Variants in MARCHF6 observed in about 807,000 individuals in gnomAD.
The protein encoded by MARCHF6 is membrane associated ring-CH-type finger 6.
In MARCHF6, 31 loss-of-function variants were observed where a neutral mutation model predicts 133.7. The ratio of observed to expected loss-of-function variants is 0.23; its 90% confidence interval spans 0.17 to 0.31. The LOEUF is 0.31. MARCHF6 is among the 10% of genes least tolerant of loss of function. The pLI, the probability that MARCHF6 is intolerant of heterozygous loss-of-function variation, is 1.00. For missense variants in MARCHF6, 723 were observed against 1,121.6 expected (o/e 0.64, Z 5.08); for synonymous variants, 395 against 402.5 (o/e 0.98, Z 0.22).
intron 1 of MARCHF6, among the ~76,000 whole-genome samples, chr5:10,358,253 G>GT (rs1735601871): frequency 6.6e-6 from 1 of 152,148 alleles, no homozygotes; most frequent in African/African-American, 2.4e-5. Flanking sequence ...AAGAGTTGGA[G>GT]AAGAGTAAGT....
intron 1 of MARCHF6, among the ~76,000 whole-genome samples, chr5:10,376,052 C>T (rs1383979476): frequency 6.6e-6 from 1 of 152,186 alleles, no homozygotes; most frequent in Non-Finnish European, 1.5e-5. Flanking sequence ...TACCAATCAG[C>T]AGGATGTGGG....
intron 23 of MARCHF6, among the ~76,000 whole-genome samples, chr5:10,424,031 G>A (rs1403774254): frequency 3.5e-5 from 5 of 142,618 alleles, no homozygotes; most frequent in Non-Finnish European, 3.1e-5. Context: ...CTCAACCCTT[G>A]TTTTTTTTAG....
chr5:10,389,425 T>G (rs1737677770), intron 5 of MARCHF6, among the ~76,000 whole-genome samples: 2 of 152,154 alleles, frequency 1.3e-5, no homozygotes, highest in African/African-American at 4.8e-5. Flanking sequence ...TTTTTTGAGA[T>G]GGAGTCTCAC....
intron 1 of MARCHF6, among the ~76,000 whole-genome samples, chr5:10,377,006 T>G (rs1010773517): frequency 4.5e-4 from 69 of 152,236 alleles, no homozygotes; most frequent in South Asian, 2.3e-3. Flanking sequence ...ATAACCAGGG[T>G]TCCCTAAGTG....
At chr5:10,431,850 C>G (rs916352263) in intron 25 of MARCHF6, among the ~76,000 whole-genome samples, 1 of 152,078 alleles carries the variant, frequency 6.6e-6, no homozygotes, top group African/African-American at 2.4e-5. Context: ...GTGTATCTTG[C>G]TATTTAGTCA....
At chr5:10,392,779 CAG>C (rs1257510135) in intron 7 of MARCHF6, among the ~76,000 whole-genome samples, 2 of 151,836 alleles carry the variant, frequency 1.3e-5, no homozygotes, top group African/African-American at 4.8e-5. Flanking sequence ...AGATCCAAGA[CAG>C]GGTCTACCAG....
rs1740573309 is a variant in MARCHF6 at position 10,435,630 on chromosome 5, ACTATATAACT to A, written c.*1947_*1956del. On this transcript the variant is annotated 3_prime_UTR_variant, in exon 26 of 26. Coordinates refer to ENST00000274140, the MANE Select transcript of MARCHF6 (RefSeq NM_005885.4). Reference sequence around the variant, plus strand: ...ATTGAATTGAGCATATAACTATATAACTATATAACTATATATATATATATATATATATATA... The same window carrying A: ...ATTGAATTGAGCATATAACTATATAAATATATATATATATATATATATATA... 2 of 1,198 alleles carry A rather than the reference ACTATATAACT, an allele frequency of 1.7e-3. No individual in the cohort carries two copies. Among genetic ancestry groups the A allele is most frequent in the Non-Finnish European group, 4.3e-3 (2 of 466 alleles). 0.1% of individuals were successfully genotyped at this position (1,198 alleles called of 1,614,324 possible). A position where few individuals can be genotyped will look rare whatever the true frequency, so the allele number is the denominator to read the frequency against.
chr5:10,379,342 C>T (rs886674352), intron 3 of MARCHF6, among the ~76,000 whole-genome samples: 44 of 152,030 alleles, frequency 2.9e-4, no homozygotes, highest in Non-Finnish European at 1.2e-4. Context: ...ATACCATTAT[C>T]CACCTAGAAA....
chr5:10,407,959 C>T (rs1302860212), intron 17 of MARCHF6, among the ~76,000 whole-genome samples: 2 of 141,092 alleles, frequency 1.4e-5, no homozygotes, highest in South Asian at 2.5e-4. Context: ...TGCATCCCCC[C>T]CCCCCCAAAA....
At chr5:10,423,882 G>A in intron 23 of MARCHF6, 58 bp downstream of exon 23, 1 of 1,321,726 alleles carries the variant, frequency 7.6e-7, no homozygotes, top group Non-Finnish European at 1.1e-6. Flanking sequence ...TTTATGTTTG[G>A]CAGCTATAAC....
chr5:10,384,717 T>C (rs1219546175), intron 4 of MARCHF6, among the ~76,000 whole-genome samples: 3 of 152,158 alleles, frequency 2.0e-5, no homozygotes, highest in Non-Finnish European at 2.9e-5. Flanking sequence ...GCTCAGGACA[T>C]AGAGCATCTG....
chr5:10,403,601 A>G (rs1419777941), intron 15 of MARCHF6, 60 bp downstream of exon 15: 6 of 1,466,132 alleles, frequency 4.1e-6, no homozygotes, highest in Non-Finnish European at 5.6e-6. Context: ...TGCTTTCACC[A>G]CCAGTCATGT....
chr5:10,382,481 AAAAG>A (rs1737209919), intron 4 of MARCHF6, among the ~76,000 whole-genome samples: 1 of 151,744 alleles, frequency 6.6e-6, no homozygotes, highest in Non-Finnish European at 1.5e-5. Flanking sequence ...AAAAAAAAAA[AAAAG>A]GACTGCAAAA....
intron 4 of MARCHF6, among the ~76,000 whole-genome samples, chr5:10,385,538 A>G (rs555930194): frequency 2.0e-5 from 3 of 152,330 alleles, no homozygotes; most frequent in Admixed American, 6.5e-5. Flanking sequence ...ATGTGTAGGT[A>G]TAAAACTTGC....
intron 12 of MARCHF6, 71 bp from the exon 13 acceptor site, chr5:10,402,313 A>G: frequency 7.3e-7 from 1 of 1,362,930 alleles, no homozygotes; most frequent in South Asian, 1.2e-5. Flanking sequence ...AAAATACTAA[A>G]TGTTGGCTAA....
intron 21 of MARCHF6, among the ~76,000 whole-genome samples, chr5:10,416,202 G>C (rs900933008): frequency 2.0e-5 from 3 of 152,148 alleles, no homozygotes; most frequent in Non-Finnish European, 4.4e-5. Flanking sequence ...AATACTGTAA[G>C]ATGATTATCT....
intron 1 of MARCHF6, among the ~76,000 whole-genome samples, chr5:10,358,257 AG>A: frequency 6.6e-6 from 1 of 152,148 alleles, no homozygotes; most frequent in African/African-American, 2.4e-5. Context: ...GTTGGAGAAG[AG>A]TAAGTATAAT....
intron 6 of MARCHF6, 37 bp downstream of exon 6, chr5:10,390,537 A>G: frequency 1.3e-6 from 2 of 1,577,876 alleles, no homozygotes; most frequent in Non-Finnish European, 1.7e-6. Flanking sequence ...TTACTTAGGT[A>G]GGTCATGAGA....
chr5:10,433,141 C>T (rs1308048604), intron 25 of MARCHF6, among the ~76,000 whole-genome samples: 2 of 152,174 alleles, frequency 1.3e-5, no homozygotes, highest in South Asian at 2.1e-4. Flanking sequence ...CCACTCGCCT[C>T]GGCCTCCCTA....
Sources: gnomAD v4.1 joint callset for allele counts (sites outside exome capture counted in the v4.1 genomes callset) on GRCh38, gnomAD v4.1.1 for gene constraint, MANE v1.5 for transcripts, NCBI Gene and HGNC (gene_info 2026-07-23, HGNC 2026-07-21) for gene names.